The following GALNTL6 variants were observed in gnomAD, a reference collection of about 807,000 sequenced individuals.
The protein encoded by GALNTL6 is polypeptide N-acetylgalactosaminyltransferase like 6.
A neutral mutation model predicts 73.7 loss-of-function variants in GALNTL6; 46 were observed. The observed-to-expected ratio is 0.62, with a 90% CI of 0.49 to 0.80. The LOEUF (loss-of-function observed/expected upper bound fraction) is 0.80, where lower values mean the gene tolerates loss of function less well. GALNTL6 is among the 30% of genes least tolerant of loss of function. The probability of loss-of-function intolerance (pLI) is 0.00; values close to 1 mark genes in which losing one functional copy is unlikely to be tolerated. For missense variants in GALNTL6, 604 were observed against 755.0 expected, an observed-to-expected ratio of 0.80 and a Z score of 2.34; for synonymous variants, 259 against 263.7, an observed-to-expected ratio of 0.98 and a Z score of 0.17.
intron 10 of GALNTL6, among the ~76,000 whole-genome samples, chr4:172,983,701 A>AT (rs1554008627): frequency 1.3e-5 from 2 of 152,020 alleles, no homozygotes; most frequent in Non-Finnish European, 1.5e-5. Context: ...GTCTCAAAAA[A>AT]ATATATATAT....
intron 3 of GALNTL6, among the ~76,000 whole-genome samples, chr4:172,295,171 C>G (rs1224116903): frequency 6.6e-6 from 1 of 152,072 alleles, no homozygotes; most frequent in African/African-American, 2.4e-5. Context: ...TCTGTAATGC[C>G]AGCACTTTGG....
At chr4:172,618,870 C>T (rs111248379) in intron 5 of GALNTL6, among the ~76,000 whole-genome samples, 3 of 152,110 alleles carry the variant, frequency 2.0e-5, no homozygotes, top group South Asian at 2.1e-4. Flanking sequence ...ATTAAGGGTG[C>T]GCACCATCAC....
intron 2 of GALNTL6, among the ~76,000 whole-genome samples, chr4:172,098,267 G>A (rs1732414415): frequency 6.6e-6 from 1 of 151,912 alleles, no homozygotes; most frequent in Non-Finnish European, 1.5e-5. Flanking sequence ...TGAACTAAAT[G>A]AAAAAATCAT....
At chr4:172,654,742 A>G (rs1730891147) in intron 5 of GALNTL6, among the ~76,000 whole-genome samples, 1 of 152,168 alleles carries the variant, frequency 6.6e-6, no homozygotes, top group African/African-American at 2.4e-5. Context: ...CCCTTCAATC[A>G]TGTTGTTTCT....
At chr4:172,323,701 C>T (rs1161835856) in intron 4 of GALNTL6, among the ~76,000 whole-genome samples, 1 of 152,052 alleles carries the variant, frequency 6.6e-6, no homozygotes, top group Non-Finnish European at 1.5e-5. Context: ...TTTAGGAGAT[C>T]TGGATTTCAC....
chr4:172,471,323 T>G (rs940130747), intron 5 of GALNTL6, among the ~76,000 whole-genome samples: 2 of 152,260 alleles, frequency 1.3e-5, no homozygotes, highest in Non-Finnish European at 2.9e-5. Context: ...GTTAGTATTT[T>G]ATTGCAATCA....
intron 2 of GALNTL6, among the ~76,000 whole-genome samples, chr4:171,895,049 A>G (rs718913): frequency 0.27 from 40,420 of 152,060 alleles, 5,514 homozygotes; most frequent in Middle Eastern, 0.38. Context: ...CTTAGAAGAG[A>G]CCATATATGA....
chr4:172,046,215 G>C (rs1157221004), intron 2 of GALNTL6, among the ~76,000 whole-genome samples: 1 of 152,046 alleles, frequency 6.6e-6, no homozygotes, highest in African/African-American at 2.4e-5. Flanking sequence ...ATAAACATGG[G>C]ATTGCAGATA....
chr4:172,513,962 G>T (rs80169749), intron 5 of GALNTL6, among the ~76,000 whole-genome samples: 6,502 of 152,264 alleles, frequency 0.043, 437 homozygotes, highest in African/African-American at 0.15. Flanking sequence ...AGGTGGTAAA[G>T]TTAGCTGTTG....
intron 2 of GALNTL6, among the ~76,000 whole-genome samples, chr4:171,877,599 G>A (rs1736314719): frequency 6.6e-6 from 1 of 151,554 alleles, no homozygotes; most frequent in Admixed American, 6.6e-5. Context: ...TACAGTAGGA[G>A]CACTCAAAAT....
At chr4:172,143,014 TAGAC>T (rs751847146) in intron 2 of GALNTL6, among the ~76,000 whole-genome samples, 72 of 152,106 alleles carry the variant, frequency 4.7e-4, no homozygotes, top group African/African-American at 1.5e-3. Context: ...GATAGATAGA[TAGAC>T]AGATAGATAG....
At chr4:171,985,543 A>C (rs993823630) in intron 2 of GALNTL6, among the ~76,000 whole-genome samples, 3 of 152,178 alleles carry the variant, frequency 2.0e-5, no homozygotes, top group Non-Finnish European at 2.9e-5. Context: ...ACTTTGTATT[A>C]TTCCCCATCA....
At chr4:172,191,216 C>T (rs78141245) in intron 2 of GALNTL6, among the ~76,000 whole-genome samples, 4 of 152,300 alleles carry the variant, frequency 2.6e-5, no homozygotes, top group African/African-American at 9.6e-5. Flanking sequence ...ATTCTTGAAA[C>T]CACTATGGTC....
intron 2 of GALNTL6, among the ~76,000 whole-genome samples, chr4:172,222,353 C>G (rs946753060): frequency 5.3e-5 from 8 of 149,642 alleles, no homozygotes; most frequent in Non-Finnish European, 1.2e-4. Flanking sequence ...TTATTTAAAA[C>G]AAGTGTTAGT....
intron 2 of GALNTL6, among the ~76,000 whole-genome samples, chr4:172,215,174 T>C (rs990553900): frequency 2.0e-5 from 3 of 152,186 alleles, no homozygotes; most frequent in African/African-American, 7.2e-5. Flanking sequence ...TTTCGTGGCT[T>C]ATGATGTAGT....
chr4:173,009,294 G>A lies in GALNTL6; in HGVS notation c.1488G>A (p.Gln496=), dbSNP rs1165608343. Residue 496 remains glutamine (Q), a splice_region_variant and synonymous_variant, in exon 11 of 13, where the codon CAG becomes CAA. Coordinates refer to ENST00000506823, the MANE Select transcript of GALNTL6 (RefSeq NM_001034845.3). ...CTGAAAGAACATGGTCTCATGAACA[G>A]GTGAGTCACCTCCCAGAAGCCAGGG... ...DGSERTWSHE[Q]LFTFGWREDI... is the part of the protein sequence containing the mutation. 2 of 1,593,988 alleles carry A rather than the reference G, an allele frequency of 1.3e-6. No homozygotes were observed. The highest frequency in any genetic ancestry group is 1.7e-5 in the Admixed American group (1 of 59,966).
chr4:171,869,673 C>G (rs1186687389), intron 2 of GALNTL6, among the ~76,000 whole-genome samples: 3 of 152,088 alleles, frequency 2.0e-5, no homozygotes, highest in Non-Finnish European at 4.4e-5. Flanking sequence ...TGTCCTCACC[C>G]AAATCTCATC....
intron 2 of GALNTL6, among the ~76,000 whole-genome samples, chr4:172,166,618 G>T (rs1334117043): frequency 2.6e-5 from 4 of 152,008 alleles, no homozygotes; most frequent in African/African-American, 7.2e-5. Context: ...CATCTATTTT[G>T]ATATAATCAG....
At chr4:172,225,891 T>A (rs1736848393) in intron 2 of GALNTL6, among the ~76,000 whole-genome samples, 1 of 152,160 alleles carries the variant, frequency 6.6e-6, no homozygotes, top group Non-Finnish European at 1.5e-5. Context: ...GTGTAGCAAA[T>A]CCCCCAGATA....
Sources: gnomAD v4.1 joint callset for allele counts (sites outside exome capture counted in the v4.1 genomes callset) on GRCh38, gnomAD v4.1.1 for gene constraint, MANE v1.5 for transcripts, NCBI Gene and HGNC (gene_info 2026-07-23, HGNC 2026-07-21) for gene names.